GPC5: variants seen among roughly 807,000 people sequenced by gnomAD.
The protein encoded by GPC5 is glypican-5.
GPC5 carries 47 observed loss-of-function variants against 53.9 expected under a neutral mutation model. That is an observed-to-expected ratio of 0.87 (90% CI 0.69 to 1.11). GPC5 has a LOEUF of 1.11. Ranked by LOEUF, GPC5 falls within the 50% of genes most tolerant of loss-of-function variation. The pLI is 0.00. For synonymous variants in GPC5, 286 were observed against 263.3 expected (o/e 1.09, Z -0.84); for missense variants, 748 against 713.1 (o/e 1.05, Z -0.56).
chr13:92,850,740 G>A (rs1035775218), intron 7 of GPC5, among the ~76,000 whole-genome samples: 1 of 152,152 alleles, frequency 6.6e-6, no homozygotes, highest in African/African-American at 2.4e-5. Context: ...AAACCAACAG[G>A]TGTCTGTCTC....
intron 6 of GPC5, among the ~76,000 whole-genome samples, chr13:91,932,202 G>A (rs184752781): frequency 1.1e-4 from 17 of 152,122 alleles, no homozygotes; most frequent in Admixed American, 3.9e-4. Context: ...AAAATATTGT[G>A]CCTCAACAAA....
intron 6 of GPC5, among the ~76,000 whole-genome samples, chr13:92,004,807 A>T (rs968835699): frequency 1.3e-5 from 2 of 152,080 alleles, no homozygotes; most frequent in African/African-American, 4.8e-5. Context: ...CCTTGTAAAA[A>T]CATCAGATCT....
intron 6 of GPC5, among the ~76,000 whole-genome samples, chr13:92,077,747 A>C (rs2041263846): frequency 6.6e-6 from 1 of 152,212 alleles, no homozygotes; most frequent in Non-Finnish European, 1.5e-5. Context: ...GAGCAAAGGA[A>C]GAAGTCCTAA....
chr13:92,366,061 C>T (rs1378459401), intron 7 of GPC5, among the ~76,000 whole-genome samples: 2 of 151,588 alleles, frequency 1.3e-5, no homozygotes, highest in African/African-American at 4.9e-5. Flanking sequence ...GGTTTGTCTA[C>T]ACCAGCATCA....
chr13:92,728,621 A>C (rs192390550), intron 7 of GPC5, among the ~76,000 whole-genome samples: 1 of 151,568 alleles, frequency 6.6e-6, no homozygotes, highest in Non-Finnish European at 1.5e-5. Context: ...CATAAAATAC[A>C]GCACTGATTG....
At chr13:92,197,233 A>C (rs986622388) in intron 7 of GPC5, among the ~76,000 whole-genome samples, 46 of 151,876 alleles carry the variant, frequency 3.0e-4, no homozygotes, top group Non-Finnish European at 1.3e-4. Context: ...TAAGATAAAA[A>C]CCCCCAGACC....
intron 7 of GPC5, among the ~76,000 whole-genome samples, chr13:92,450,961 G>A (rs1878037984): frequency 6.6e-6 from 1 of 152,198 alleles, no homozygotes; most frequent in Non-Finnish European, 1.5e-5. Flanking sequence ...TCCTGGCACA[G>A]AGGAAGTCCT....
chr13:92,017,508 T>C (rs1293311170), intron 6 of GPC5, among the ~76,000 whole-genome samples: 1 of 152,190 alleles, frequency 6.6e-6, no homozygotes, highest in African/African-American at 2.4e-5. Flanking sequence ...AGGGTTGTCT[T>C]ATGTTTGTTT....
intron 2 of GPC5, among the ~76,000 whole-genome samples, chr13:91,651,035 T>C (rs557468467): frequency 1.2e-3 from 189 of 152,258 alleles, no homozygotes; most frequent in Non-Finnish European, 2.2e-3. Flanking sequence ...TAGTGATTTA[T>C]ATTTGGCAAG....
intron 7 of GPC5, among the ~76,000 whole-genome samples, chr13:92,738,440 C>T (rs1266930938): frequency 1.3e-5 from 2 of 151,842 alleles, no homozygotes; most frequent in Admixed American, 6.6e-5. Flanking sequence ...GTAATATTTT[C>T]TTTGACTTCA....
intron 1 of GPC5, among the ~76,000 whole-genome samples, chr13:91,399,916 C>A (rs1201948596): frequency 6.6e-6 from 1 of 152,176 alleles, no homozygotes; most frequent in East Asian, 1.9e-4. Flanking sequence ...GATGTACCAG[C>A]GTTCCAAAGG....
chr13:91,534,336 A>G (rs1025626067), intron 2 of GPC5, among the ~76,000 whole-genome samples: 2 of 152,208 alleles, frequency 1.3e-5, no homozygotes, highest in Admixed American at 6.5e-5. Context: ...CCTTTTAAAT[A>G]TATTATCTTA....
At position 92,070,107 on chromosome 13, in the gene GPC5, C is replaced by T. The variant is rs552078281; in HGVS notation, c.1402-74723C>T. Reference sequence around the variant, plus strand: ...AAGGCAGAGATATTTGAAATGTTAGCGCTGCTGGAGAGGGCCACAAATAAA... The same window carrying T: ...AAGGCAGAGATATTTGAAATGTTAGTGCTGCTGGAGAGGGCCACAAATAAA... On this transcript the variant is annotated intron_variant, in intron 6 of 7. Coordinates refer to ENST00000377067, the MANE Select transcript of GPC5 (RefSeq NM_004466.6). Among the ~76,000 whole-genome samples the T allele has an allele frequency of 1.4e-4, 21 of 152,142 alleles. No homozygotes were observed. In the South Asian group the frequency reaches 2.7e-3, roughly 20 times the overall value.
At chr13:92,110,732 C>T (rs1936645755) in intron 6 of GPC5, among the ~76,000 whole-genome samples, 2 of 152,154 alleles carry the variant, frequency 1.3e-5, no homozygotes, top group Non-Finnish European at 2.9e-5. Flanking sequence ...GACTTGACCT[C>T]AATATTCTAA....
At chr13:92,509,164 T>C (rs750845878) in intron 7 of GPC5, among the ~76,000 whole-genome samples, 14 of 152,206 alleles carry the variant, frequency 9.2e-5, no homozygotes, top group African/African-American at 1.7e-4. Flanking sequence ...TATCATGATT[T>C]ACCCCTGCCT....
At chr13:92,682,614 A>T (rs1270278374) in intron 7 of GPC5, among the ~76,000 whole-genome samples, 1 of 152,342 alleles carries the variant, frequency 6.6e-6, no homozygotes, top group Non-Finnish European at 1.5e-5. Context: ...ACTTGCCAAG[A>T]ACAAATTATA....
chr13:91,984,291 A>G (rs1003798447), intron 6 of GPC5, among the ~76,000 whole-genome samples: 2 of 152,206 alleles, frequency 1.3e-5, no homozygotes, highest in African/African-American at 4.8e-5. Context: ...ATCTGTTTCT[A>G]TAATCGTTAT....
chr13:91,523,340 C>A (rs1885928650), intron 2 of GPC5, among the ~76,000 whole-genome samples: 2 of 152,054 alleles, frequency 1.3e-5, no homozygotes, highest in Admixed American at 1.3e-4. Context: ...TGGAAACAAC[C>A]CAAGTGTCTG....
chr13:92,629,300 AG>A (rs1885158940), intron 7 of GPC5, among the ~76,000 whole-genome samples: 2 of 152,198 alleles, frequency 1.3e-5, no homozygotes, highest in Non-Finnish European at 2.9e-5. Flanking sequence ...ACTTGACTGG[AG>A]GAAGACAAGG....
Sources: allele counts gnomAD v4.1 joint callset (sites outside exome capture counted in the v4.1 genomes callset), GRCh38; gene constraint gnomAD v4.1.1; transcripts MANE v1.5; gene names NCBI Gene and HGNC (gene_info 2026-07-23, HGNC 2026-07-21).